The following SCFD2 variants were observed in gnomAD, a reference collection of about 807,000 sequenced individuals.
The protein encoded by SCFD2 is sec1 family domain-containing protein 2.
SCFD2 carries 54 observed loss-of-function variants against 58.9 expected under a neutral mutation model. The ratio of observed to expected loss-of-function variants is 0.92; its 90% CI spans 0.74 to 1.15. The LOEUF (loss-of-function observed/expected upper bound fraction) is 1.15. Ranked by LOEUF, SCFD2 falls within the 50% of genes most tolerant of loss-of-function variation. The probability of loss-of-function intolerance (pLI) is 0.00; values close to 1 mark genes in which losing one functional copy is unlikely to be tolerated. For missense variants in SCFD2, 805 were observed against 836.6 expected, an observed-to-expected ratio of 0.96 and a Z score of 0.47; for synonymous variants, 321 against 335.9, an observed-to-expected ratio of 0.96 and a Z score of 0.49.
Position 53,250,444 on chromosome 4 carries a change from A to T in SCFD2, c.1311+23382T>A, listed in dbSNP as rs181916885. On this transcript the variant is annotated intron_variant, in intron 4 of 8. Transcript: ENST00000401642. ...AGGAATTGAACTCAGCTCTGCACCA[A>T]GCACACCTAATAGACATCTACAGAA... Among the ~76,000 whole-genome samples the T allele has an allele frequency of 2.0e-5, 3 of 152,300 alleles. No homozygotes were observed. The East Asian group carries it at 5.8e-4, about 29-fold the overall frequency.
intron 2 of SCFD2, among the ~76,000 whole-genome samples, chr4:53,336,813 C>A (rs114989060): frequency 0.013 from 2,001 of 152,242 alleles, 44 homozygotes; most frequent in African/African-American, 0.046. Context: ...CTGCACCCAG[C>A]CAGTTTTCTC....
intron 5 of SCFD2, among the ~76,000 whole-genome samples, chr4:52,986,745 C>T (rs1560502531): frequency 2.0e-5 from 3 of 151,902 alleles, no homozygotes; most frequent in Admixed American, 6.6e-5. Flanking sequence ...GTGATCCACC[C>T]GCCTCGGCCT....
intron 5 of SCFD2, among the ~76,000 whole-genome samples, chr4:53,129,457 A>ATAT (rs1210526991): frequency 1.3e-5 from 2 of 152,224 alleles, no homozygotes; most frequent in Non-Finnish European, 2.9e-5. Flanking sequence ...AATCAATATC[A>ATAT]GCATGGTTGC....
chr4:53,346,657 G>A (rs564532630), intron 2 of SCFD2, among the ~76,000 whole-genome samples: 5 of 152,248 alleles, frequency 3.3e-5, no homozygotes, highest in Non-Finnish European at 5.9e-5. Context: ...AAAAGTGTCA[G>A]GGCACATCTC....
chr4:53,095,398 A>C (rs1424271351), intron 5 of SCFD2, among the ~76,000 whole-genome samples: 1 of 124,890 alleles, frequency 8.0e-6, no homozygotes, highest in Non-Finnish European at 1.8e-5. Context: ...GAGAATGCCT[A>C]AGGCATAATC....
At chr4:53,016,144 C>G (rs534245976) in intron 5 of SCFD2, among the ~76,000 whole-genome samples, 5 of 152,170 alleles carry the variant, frequency 3.3e-5, no homozygotes, top group Non-Finnish European at 7.4e-5. Context: ...CCACCAACAA[C>G]AAATGATAAA....
intron 3 of SCFD2, among the ~76,000 whole-genome samples, chr4:53,295,118 G>T (rs1238837406): frequency 4.6e-5 from 7 of 152,074 alleles, no homozygotes; most frequent in African/African-American, 1.4e-4. Flanking sequence ...TCTTGGCTAT[G>T]CAGACTCTTT....
intron 5 of SCFD2, among the ~76,000 whole-genome samples, chr4:53,112,216 G>C (rs1725192539): frequency 6.6e-6 from 1 of 152,128 alleles, no homozygotes; most frequent in African/African-American, 2.4e-5. Context: ...ATGAATGCCT[G>C]AAGGAAAACG....
chr4:52,890,789 T>G (rs1264283740), intron 7 of SCFD2, among the ~76,000 whole-genome samples: 1 of 152,286 alleles, frequency 6.6e-6, no homozygotes, highest in African/African-American at 2.4e-5. Flanking sequence ...AGACCCCTTT[T>G]GAGGTGTGCG....
chr4:53,012,836 G>GTT (rs3987774), intron 5 of SCFD2, among the ~76,000 whole-genome samples: 11,387 of 145,002 alleles, frequency 0.079, 584 homozygotes, highest in African/African-American at 0.13. Flanking sequence ...GTGTGTGTGT[G>GTT]TTTTTTTTTA....
At chr4:52,970,738 C>G (rs1721078811) in intron 5 of SCFD2, among the ~76,000 whole-genome samples, 1 of 152,192 alleles carries the variant, frequency 6.6e-6, no homozygotes, top group Non-Finnish European at 1.5e-5. Flanking sequence ...GTCCCTGACC[C>G]CCGAGTAGCC....
At chr4:53,268,728 G>A (rs1731069884) in intron 4 of SCFD2, among the ~76,000 whole-genome samples, 1 of 152,106 alleles carries the variant, frequency 6.6e-6, no homozygotes, top group African/African-American at 2.4e-5. Flanking sequence ...GCTCAACTGA[G>A]GTAGAAGAGC....
At chr4:53,357,409 A>ATAGT (rs1734431825) in intron 1 of SCFD2, among the ~76,000 whole-genome samples, 1 of 151,634 alleles carries the variant, frequency 6.6e-6, no homozygotes. Context: ...AGCCTGGGCA[A>ATAGT]TAGTGCAAGA....
At chr4:53,124,923 C>A (rs1394328240) in intron 5 of SCFD2, among the ~76,000 whole-genome samples, 1 of 152,196 alleles carries the variant, frequency 6.6e-6, no homozygotes, top group Non-Finnish European at 1.5e-5. Flanking sequence ...CTATATTCTG[C>A]AATCCCTGAG....
At chr4:53,286,663 T>C (rs1400512332) in intron 3 of SCFD2, among the ~76,000 whole-genome samples, 1 of 152,126 alleles carries the variant, frequency 6.6e-6, no homozygotes, top group South Asian at 2.1e-4. Context: ...AAACAGAGCT[T>C]TGGCTGAGCT....
At chr4:53,069,488 C>T (rs1289057860) in intron 5 of SCFD2, among the ~76,000 whole-genome samples, 2 of 152,018 alleles carry the variant, frequency 1.3e-5, no homozygotes, top group East Asian at 1.9e-4. Context: ...CTCCTAAATG[C>T]TATGCTTCAA....
At chr4:53,040,394 A>C (rs1244319462) in intron 5 of SCFD2, among the ~76,000 whole-genome samples, 23 of 152,060 alleles carry the variant, frequency 1.5e-4, no homozygotes, top group Non-Finnish European at 1.8e-4. Context: ...TTTATAAATA[A>C]TCCACATTGG....
intron 4 of SCFD2, among the ~76,000 whole-genome samples, chr4:53,221,322 T>G (rs1250882412): frequency 6.6e-6 from 1 of 152,228 alleles, no homozygotes; most frequent in Non-Finnish European, 1.5e-5. Flanking sequence ...GAGCAAAAGA[T>G]CTAAAGACTG....
chr4:53,197,636 G>A (rs1336812876), intron 4 of SCFD2, among the ~76,000 whole-genome samples: 2 of 149,384 alleles, frequency 1.3e-5, no homozygotes, highest in East Asian at 4.0e-4. Context: ...GCTGATTGCT[G>A]TTTAGCAGTG....
Sources: allele counts gnomAD v4.1 joint callset (sites outside exome capture counted in the v4.1 genomes callset), GRCh38; gene constraint gnomAD v4.1.1; transcripts MANE v1.5; gene names NCBI Gene and HGNC (gene_info 2026-07-23, HGNC 2026-07-21).